The following CHRM3 variants were observed in gnomAD, a reference collection of about 807,000 sequenced individuals.
CHRM3 encodes cholinergic receptor muscarinic 3, also known as muscarinic acetylcholine receptor M3.
In CHRM3, 11 loss-of-function variants were observed where a neutral mutation model predicts 41.8. That is an observed-to-expected ratio of 0.26 (90% CI 0.17 to 0.44). CHRM3 has a LOEUF of 0.44. Ranked by LOEUF, CHRM3 falls within the 20% of genes least tolerant of loss-of-function variation. The pLI, the probability that CHRM3 is intolerant of heterozygous loss-of-function variation, is 1.00. For synonymous variants in CHRM3, 297 were observed against 301.4 expected (o/e 0.99, Z 0.15); for missense variants, 571 against 745.4 (o/e 0.77, Z 2.72).
At chr1:239,516,432 A>T (rs2148233134) in intron 2 of CHRM3, among the ~76,000 whole-genome samples, 1 of 152,290 alleles carries the variant, frequency 6.6e-6, no homozygotes, top group Non-Finnish European at 1.5e-5. Context: ...CATGAGATAG[A>T]CTTAGTAAAT....
chr1:239,798,701 T>A (rs994210370), intron 5 of CHRM3, among the ~76,000 whole-genome samples: 2 of 152,150 alleles, frequency 1.3e-5, no homozygotes, highest in African/African-American at 4.8e-5. Context: ...TTTGTGACTC[T>A]TCACTGACAC....
At chr1:239,764,497 A>G (rs1162479548) in intron 5 of CHRM3, among the ~76,000 whole-genome samples, 1 of 152,140 alleles carries the variant, frequency 6.6e-6, no homozygotes, top group Non-Finnish European at 1.5e-5. Flanking sequence ...GAGTGTGTGT[A>G]TTGGGCATGA....
At chr1:239,534,973 A>G (rs1373644203) in intron 2 of CHRM3, among the ~76,000 whole-genome samples, 1 of 152,270 alleles carries the variant, frequency 6.6e-6, no homozygotes, top group East Asian at 1.9e-4. Flanking sequence ...AGTCTACTAC[A>G]TGCCAGGCAC....
intron 4 of CHRM3, among the ~76,000 whole-genome samples, chr1:239,669,432 A>T (rs942384086): frequency 1.3e-5 from 2 of 152,090 alleles, no homozygotes; most frequent in African/African-American, 4.8e-5. Flanking sequence ...CAGGCCTGGC[A>T]TTACTGTTTT....
chr1:239,516,486 A>T (rs12138748), intron 2 of CHRM3, among the ~76,000 whole-genome samples: 23,654 of 152,146 alleles, frequency 0.16, 2,320 homozygotes, highest in Non-Finnish European at 0.2. Context: ...TTGAGTTCCT[A>T]TTCACATATC....
At chr1:239,855,820 A>C (rs2149246838) in intron 6 of CHRM3, among the ~76,000 whole-genome samples, 1 of 152,318 alleles carries the variant, frequency 6.6e-6, no homozygotes, top group Admixed American at 6.5e-5. Context: ...TTATAATACC[A>C]CATATCTGTC....
At chr1:239,447,511 C>A (rs1376849675) in intron 1 of CHRM3, among the ~76,000 whole-genome samples, 1 of 152,070 alleles carries the variant, frequency 6.6e-6, no homozygotes, top group Non-Finnish European at 1.5e-5. Flanking sequence ...ACCTAGCAGA[C>A]CAGAAGCTTT....
intron 5 of CHRM3, among the ~76,000 whole-genome samples, chr1:239,762,614 T>C (rs894059614): frequency 2.6e-5 from 4 of 152,340 alleles, no homozygotes; most frequent in Middle Eastern, 3.4e-3. Flanking sequence ...TGTAGTTTTC[T>C]GTATAATTTT....
chr1:239,451,863 TA>T (rs1664579940), intron 1 of CHRM3, among the ~76,000 whole-genome samples: 1 of 152,132 alleles, frequency 6.6e-6, no homozygotes, highest in African/African-American at 2.4e-5. Context: ...TGGAATACTC[TA>T]TTTTAGAAAA....
At chr1:239,656,654 A>C (rs1246585064) in intron 4 of CHRM3, among the ~76,000 whole-genome samples, 7 of 152,018 alleles carry the variant, frequency 4.6e-5, no homozygotes, top group Admixed American at 2.0e-4. Flanking sequence ...AAATAAAATA[A>C]AATACAATAA....
At chr1:239,536,954 A>G (rs1321759746) in intron 2 of CHRM3, among the ~76,000 whole-genome samples, 2 of 152,210 alleles carry the variant, frequency 1.3e-5, no homozygotes, top group Admixed American at 1.3e-4. Context: ...TTTTAAAATG[A>G]TAATTAAATT....
At chr1:239,656,893 C>A (rs1672767592) in intron 4 of CHRM3, among the ~76,000 whole-genome samples, 1 of 152,050 alleles carries the variant, frequency 6.6e-6, no homozygotes, top group African/African-American at 2.4e-5. Flanking sequence ...GAGTTCTTTT[C>A]TTCTATACCA....
chr1:239,874,085 A>G (rs777179246), intron 6 of CHRM3, among the ~76,000 whole-genome samples: 2 of 151,746 alleles, frequency 1.3e-5, no homozygotes, highest in African/African-American at 2.4e-5. Context: ...GAGGAAACTG[A>G]GGCTCAGGAG....
At chr1:239,821,706 C>G (rs776852229) in intron 5 of CHRM3, among the ~76,000 whole-genome samples, 1 of 152,136 alleles carries the variant, frequency 6.6e-6, no homozygotes, top group Non-Finnish European at 1.5e-5. Context: ...TTTCTAAATT[C>G]CAGAATCAGA....
At chr1:239,504,206 C>G (rs966532787) in intron 2 of CHRM3, among the ~76,000 whole-genome samples, 2 of 151,720 alleles carry the variant, frequency 1.3e-5, no homozygotes, top group Non-Finnish European at 2.9e-5. Context: ...TCAAACAAAT[C>G]AGTAAGAGAA....
intron 3 of CHRM3, among the ~76,000 whole-genome samples, chr1:239,567,077 G>A (rs1182801548): frequency 6.6e-6 from 1 of 152,042 alleles, no homozygotes; most frequent in East Asian, 1.9e-4. Flanking sequence ...TTTTATGATT[G>A]CTCTTTCCAA....
At chr1:239,594,612 A>G (rs748076959) in intron 3 of CHRM3, among the ~76,000 whole-genome samples, 12 of 152,176 alleles carry the variant, frequency 7.9e-5, no homozygotes, top group Non-Finnish European at 1.8e-4. Flanking sequence ...GCAATTTCAG[A>G]TACATTTTGG....
At chr1:239,437,093 C>G (rs1005293822) in intron 1 of CHRM3, among the ~76,000 whole-genome samples, 1 of 151,834 alleles carries the variant, frequency 6.6e-6, no homozygotes, top group Non-Finnish European at 1.5e-5. Flanking sequence ...CTTTTTTTTC[C>G]CACTAAACTA....
intron 6 of CHRM3, among the ~76,000 whole-genome samples, chr1:239,882,909 T>G (rs1677765737): frequency 6.6e-6 from 1 of 152,204 alleles, no homozygotes; most frequent in Non-Finnish European, 1.5e-5. Flanking sequence ...TTGAGGGTGA[T>G]TTATACTCCT....
Sources: allele counts gnomAD v4.1 joint callset (sites outside exome capture counted in the v4.1 genomes callset), GRCh38; gene constraint gnomAD v4.1.1; transcripts MANE v1.5; gene names NCBI Gene and HGNC (gene_info 2026-07-23, HGNC 2026-07-21).